The following ETNPPL variants were observed in gnomAD, a reference collection of about 807,000 sequenced individuals.
ETNPPL encodes alanine--glyoxylate aminotransferase 2-like 1.
Under a neutral mutation model 55.5 loss-of-function variants are expected in ETNPPL, and 30 were observed. The ratio of observed to expected loss-of-function variants is 0.54; its 90% confidence interval spans 0.40 to 0.73. ETNPPL has a LOEUF of 0.73. Ranked by LOEUF, ETNPPL falls within the 30% of genes least tolerant of loss-of-function variation. ETNPPL has a pLI of 0.00. For missense variants in ETNPPL, 528 were observed against 607.9 expected, an observed-to-expected ratio of 0.87 and a Z score of 1.38; for synonymous variants, 202 against 207.2, an observed-to-expected ratio of 0.98 and a Z score of 0.21.
In ETNPPL at chr4:108,742,570, T is replaced by C. The variant is rs1728269405; in HGVS notation, c.1414A>G (p.Thr472Ala). Residue 472 changes from threonine to alanine, a missense_variant, in exon 13 of 13, where the codon ACT (threonine) becomes GCT (alanine). Coordinates refer to ENST00000296486, the MANE Select transcript of ETNPPL (RefSeq NM_031279.4). ...CTGCTGGGATTTTCTTTGGAGTCAG[T>C]GGTGCTGTCCCTAAGCAGTTCTATG... ...AHIELLRDST[T>A]DSKENPSRKR... 2 of 1,614,182 alleles carry C rather than the reference T, an allele frequency of 1.2e-6. No homozygotes were observed. The highest frequency in any genetic ancestry group is 1.7e-6 in the Non-Finnish European group (2 of 1,180,022).
intron 3 of ETNPPL, among the ~76,000 whole-genome samples, chr4:108,757,263 G>T (rs1269427244): frequency 6.6e-6 from 1 of 152,154 alleles, no homozygotes; most frequent in East Asian, 1.9e-4. Flanking sequence ...CCCAAAAAAA[G>T]GAAGAAAATA....
At chr4:108,746,585 A>G in intron 10 of ETNPPL, 56 bp from the exon 11 acceptor site, 1 of 1,578,592 alleles carries the variant, frequency 6.3e-7, no homozygotes, top group Non-Finnish European at 8.7e-7. Flanking sequence ...ACGATTACTG[A>G]AGAATTATGT....
At chr4:108,755,509 A>G (rs1729153248) in intron 4 of ETNPPL, among the ~76,000 whole-genome samples, 1 of 152,120 alleles carries the variant, frequency 6.6e-6, no homozygotes, top group African/African-American at 2.4e-5. Context: ...GGAGTAGACA[A>G]AAATTTAAAA....
chr4:108,743,754 A>G, intron 12 of ETNPPL, 35 bp downstream of exon 12: 1 of 1,444,168 alleles, frequency 6.9e-7, no homozygotes. Context: ...CAAATTTTAA[A>G]CTTTCCCCCT....
chr4:108,749,507 T>A, intron 7 of ETNPPL, 44 bp from the exon 8 acceptor site: 1 of 1,413,056 alleles, frequency 7.1e-7, no homozygotes, highest in Non-Finnish European at 9.9e-7. Context: ...GTCACTGAGA[T>A]CCCCAAACCC....
intron 11 of ETNPPL, among the ~76,000 whole-genome samples, chr4:108,744,858 C>T (rs539073757): frequency 2.6e-5 from 4 of 151,538 alleles, no homozygotes; most frequent in Non-Finnish European, 5.9e-5. Flanking sequence ...GTTGGAACTA[C>T]AGGCGCACGC....
intron 5 of ETNPPL, among the ~76,000 whole-genome samples, chr4:108,753,497 T>C (rs1729010810): frequency 6.6e-6 from 1 of 152,104 alleles, no homozygotes; most frequent in Non-Finnish European, 1.5e-5. Flanking sequence ...ATCCCAGCAC[T>C]TTGGGAGGCT....
chr4:108,748,162 G>T lies in ETNPPL; in HGVS notation c.928-3C>A. ...CAAGATACTGGATTTCCTCCATACT[G>T]TAAAAAAAAAAAAGACAAATGAGAA... On this transcript the variant is annotated splice_polypyrimidine_tract_variant and splice_region_variant and intron_variant, in intron 8 of 12. Transcript: ENST00000296486. 2 of 1,513,224 alleles carry T rather than the reference G, an allele frequency of 1.3e-6. No individual in the cohort carries two copies. The highest frequency in any genetic ancestry group is 1.3e-5 in the South Asian group (1 of 77,926). 93.7% of individuals were successfully genotyped at this position (1,513,224 alleles called of 1,614,324 possible).
In ETNPPL at chr4:108,742,425, C is replaced by T. The variant is rs1417198595; in HGVS notation, c.*59G>A. 2 of 1,577,192 alleles carry T rather than the reference C, an allele frequency of 1.3e-6. No individual in the cohort carries two copies. The highest frequency in any genetic ancestry group is 1.7e-6 in the Non-Finnish European group (2 of 1,149,460). On this transcript the variant is annotated 3_prime_UTR_variant, in exon 13 of 13. Coordinates refer to ENST00000296486, the MANE Select transcript of ETNPPL (RefSeq NM_031279.4). ...ATAATAGAGCTATTAACCGATGAGA[C>T]ACATCTACTCATTCTCTGTAACTCT...
At chr4:108,756,186 C>T (rs184089634) in intron 4 of ETNPPL, among the ~76,000 whole-genome samples, 1 of 152,290 alleles carries the variant, frequency 6.6e-6, no homozygotes, top group East Asian at 1.9e-4. Context: ...GCTACATCCC[C>T]CACAGTAACC....
At chr4:108,753,966 T>TC (rs1366320538) in intron 5 of ETNPPL, among the ~76,000 whole-genome samples, 1 of 147,118 alleles carries the variant, frequency 6.8e-6, no homozygotes, top group African/African-American at 2.6e-5. Flanking sequence ...AATTTACTTT[T>TC]TCTTTTCTTT....
At chr4:108,755,221 C>A (rs193010579) in intron 4 of ETNPPL, among the ~76,000 whole-genome samples, 9 of 152,256 alleles carry the variant, frequency 5.9e-5, no homozygotes, top group African/African-American at 2.2e-4. Context: ...AAAAGGAGAT[C>A]TTTTTAAGAA....
chr4:108,756,800 T>C (rs1729226566), intron 3 of ETNPPL, among the ~76,000 whole-genome samples: 1 of 152,146 alleles, frequency 6.6e-6, no homozygotes, highest in Non-Finnish European at 1.5e-5. Context: ...CACTCCAGCC[T>C]GGGTAACAGA....
In ETNPPL at chr4:108,751,512, G is replaced by T. The variant is rs114592834; in HGVS notation, c.619-494C>A. 3.7e-3 allele frequency among the ~76,000 whole-genome samples: 563 copies of T among 152,238 alleles called. 7 individuals are homozygous for T. Among genetic ancestry groups the T allele is most frequent in the African/African-American group, 0.013 (523 of 41,540 alleles). On this transcript the variant is annotated intron_variant, in intron 6 of 12. Coordinates refer to ENST00000296486, the MANE Select transcript of ETNPPL (RefSeq NM_031279.4). Reference sequence around the variant, plus strand: ...TTACTGTGCCGTATTTCTAGGTTTTGCCCTAAACCACGCTTAACTCAACAG... The same window carrying T: ...TTACTGTGCCGTATTTCTAGGTTTTTCCCTAAACCACGCTTAACTCAACAG...
rs1553934220 is a variant in ETNPPL, at chr4:108,753,749, T to TAAGAAAGAAAGAAGGAAAGA, written c.502-739_502-738insTCTTTCCTTCTTTCTTTCTT. ...AAAATGAGACTCCGTCTCAAATAAA[T>TAAGAAAGAAAGAAGGAAAGA]AAGAAAGAAAGAAAGAAAGAAAGAA... On this transcript the variant is annotated intron_variant, in intron 5 of 12. Transcript: ENST00000296486. Among the ~76,000 whole-genome samples, 290 of 76,762 alleles carry TAAGAAAGAAAGAAGGAAAGA rather than the reference T, an allele frequency of 3.8e-3. 4 individuals are homozygous for TAAGAAAGAAAGAAGGAAAGA. The highest frequency in any genetic ancestry group is 7.4e-3 in the Admixed American group (40 of 5,432). 50.4% of individuals were successfully genotyped at this position (76,762 alleles called of 152,430 possible). A position where few individuals can be genotyped will look rare whatever the true frequency, so the allele number is the denominator to read the frequency against.
chr4:108,761,094 A>G (rs1729488564), intron 1 of ETNPPL, among the ~76,000 whole-genome samples: 1 of 152,192 alleles, frequency 6.6e-6, no homozygotes, highest in South Asian at 2.1e-4. Flanking sequence ...TTTGAGCATA[A>G]TAAGGTCATC....
rs1195855919 is a variant in ETNPPL, at chr4:108,757,265, A to G, written c.336-773T>C. ...TCTAAATATACTACCCAAAAAAAGG[A>G]AGAAAATAATAATAAGTGGAATGTT... On this transcript the variant is annotated intron_variant, in intron 3 of 12. Coordinates refer to ENST00000296486, the MANE Select transcript of ETNPPL (RefSeq NM_031279.4). 2.0e-5 allele frequency among the ~76,000 whole-genome samples: 3 copies of G among 152,222 alleles called. No individual in the cohort carries two copies. The East Asian group carries it at 5.8e-4, about 29-fold the overall frequency.
chr4:108,751,984 C>T (rs963798011), intron 6 of ETNPPL, among the ~76,000 whole-genome samples: 2 of 152,130 alleles, frequency 1.3e-5, no homozygotes, highest in Non-Finnish European at 2.9e-5. Context: ...TGTTGTTTGC[C>T]ATTTGTTTAA....
intron 7 of ETNPPL, 61 bp downstream of exon 7, chr4:108,750,875 G>T: frequency 8.7e-7 from 1 of 1,151,128 alleles, no homozygotes; most frequent in Non-Finnish European, 1.3e-6. Context: ...AACTAGTATG[G>T]CCCTACAGAA....
Sources: gnomAD v4.1 joint callset for allele counts (sites outside exome capture counted in the v4.1 genomes callset) on GRCh38, gnomAD v4.1.1 for gene constraint, MANE v1.5 for transcripts, NCBI Gene and HGNC (gene_info 2026-07-23, HGNC 2026-07-21) for gene names.